WDR7: variants seen among roughly 807,000 people sequenced by gnomAD.
The protein encoded by WDR7 is WD repeat domain 7.
Under a neutral mutation model 169.4 loss-of-function variants are expected in WDR7, and 46 were observed. The ratio of observed to expected loss-of-function variants is 0.27; its 90% CI spans 0.21 to 0.35. The LOEUF (loss-of-function observed/expected upper bound fraction) is 0.35, where lower values mean the gene tolerates loss of function less well. Ranked by LOEUF, WDR7 falls within the 10% of genes least tolerant of loss-of-function variation. The pLI is 1.00. For missense variants in WDR7, 1,534 were observed against 1,859.3 expected, an observed-to-expected ratio of 0.83 and a Z score of 3.22; for synonymous variants, 612 against 666.8, an observed-to-expected ratio of 0.92 and a Z score of 1.27.
At chr18:56,979,783 T>C (rs570140143) in intron 26 of WDR7, among the ~76,000 whole-genome samples, 2 of 152,348 alleles carry the variant, frequency 1.3e-5, no homozygotes, top group Non-Finnish European at 1.5e-5. Context: ...TTATTACTAA[T>C]GCCTCCTCTA....
At chr18:56,745,583 G>T (rs1183444084) in intron 14 of WDR7, among the ~76,000 whole-genome samples, 1 of 152,172 alleles carries the variant, frequency 6.6e-6, no homozygotes, top group East Asian at 1.9e-4. Flanking sequence ...TGATATGACA[G>T]GAGGTGGAGC....
At chr18:56,809,322 C>T (rs1468152542) in intron 19 of WDR7, among the ~76,000 whole-genome samples, 2 of 151,784 alleles carry the variant, frequency 1.3e-5, no homozygotes, top group South Asian at 2.1e-4. Flanking sequence ...CTGTTATTTT[C>T]TAGTATATTT....
At chr18:56,780,361 G>A (rs890729065) in intron 18 of WDR7, among the ~76,000 whole-genome samples, 1 of 152,082 alleles carries the variant, frequency 6.6e-6, no homozygotes. Flanking sequence ...TAATATAATT[G>A]CTTCTTTCCT....
In WDR7 at chr18:56,997,613, T is replaced by C. The variant is rs186396736; in HGVS notation, c.4165-23132T>C. 1.4e-3 allele frequency among the ~76,000 whole-genome samples: 211 copies of C among 152,278 alleles called. 1 individual carries two copies. Among genetic ancestry groups the C allele is most frequent in the African/African-American group, 4.8e-3 (198 of 41,552 alleles). ...AGGGCTTCTTAAAAACAAACAGATA[T>C]AACCTACAGCTTTTTTTAAAGCCTT... On this transcript the variant is annotated intron_variant, in intron 26 of 27. Transcript: ENST00000254442.
At chr18:56,794,531 G>A (rs771858450) in intron 19 of WDR7, among the ~76,000 whole-genome samples, 5 of 151,584 alleles carry the variant, frequency 3.3e-5, no homozygotes, top group Admixed American at 1.3e-4. Context: ...GGATGGTCTC[G>A]ATCTCCTGAC....
chr18:56,696,161 A>G, intron 11 of WDR7, 81 bp from the exon 12 acceptor site: 1 of 1,178,828 alleles, frequency 8.5e-7, no homozygotes, highest in Non-Finnish European at 1.2e-6. Flanking sequence ...TAGCTATTCT[A>G]AACATTCATG....
chr18:56,682,908 A>G (rs918509413), intron 5 of WDR7, 55 bp downstream of exon 5: 1 of 1,520,516 alleles, frequency 6.6e-7, no homozygotes. Flanking sequence ...TGTTTAGTTT[A>G]CTAGAACATT....
chr18:56,994,462 T>C (rs897418938), intron 26 of WDR7, among the ~76,000 whole-genome samples: 1 of 152,246 alleles, frequency 6.6e-6, no homozygotes, highest in African/African-American at 2.4e-5. Context: ...TCAATGATTC[T>C]GTTAAATTTT....
intron 20 of WDR7, among the ~76,000 whole-genome samples, chr18:56,877,475 CAG>C (rs2046039893): frequency 6.6e-6 from 1 of 152,140 alleles, no homozygotes; most frequent in Non-Finnish European, 1.5e-5. Flanking sequence ...AGGGGGACCT[CAG>C]GGACTGAGAG....
At chr18:56,824,665 G>A (rs1005845210) in intron 20 of WDR7, among the ~76,000 whole-genome samples, 3 of 152,166 alleles carry the variant, frequency 2.0e-5, no homozygotes, top group Non-Finnish European at 1.5e-5. Context: ...ACATTAGTGA[G>A]GTGATGTAGG....
chr18:56,779,174 A>G (rs1246093789), intron 17 of WDR7, among the ~76,000 whole-genome samples: 3 of 152,090 alleles, frequency 2.0e-5, no homozygotes, highest in Non-Finnish European at 1.5e-5. Context: ...GTGAATTTGG[A>G]TATACTTCCA....
chr18:56,752,006 T>C (rs1192889678), intron 14 of WDR7, among the ~76,000 whole-genome samples: 1 of 152,224 alleles, frequency 6.6e-6, no homozygotes, highest in Non-Finnish European at 1.5e-5. Context: ...TGCTGGTAGA[T>C]AAATGTTTAT....
intron 14 of WDR7, among the ~76,000 whole-genome samples, chr18:56,742,122 C>A (rs1232492370): frequency 2.0e-5 from 3 of 152,058 alleles, no homozygotes; most frequent in Admixed American, 2.0e-4. Flanking sequence ...TTTTTCCTTG[C>A]AAATACATTA....
chr18:56,803,579 A>G (rs1339936037), intron 19 of WDR7, among the ~76,000 whole-genome samples: 2 of 152,196 alleles, frequency 1.3e-5, no homozygotes, highest in South Asian at 2.1e-4. Flanking sequence ...AAAAGTTTTT[A>G]AAAAGGCATA....
intron 13 of WDR7, among the ~76,000 whole-genome samples, chr18:56,728,125 T>C (rs1303365729): frequency 6.6e-6 from 1 of 152,238 alleles, no homozygotes; most frequent in South Asian, 2.1e-4. Context: ...CTGACATTTT[T>C]CTCATTACAT....
At chr18:56,679,311 A>G (rs2025309312) in intron 2 of WDR7, 21 bp from the exon 3 acceptor site, 12 of 1,588,200 alleles carry the variant, frequency 7.6e-6, no homozygotes, top group Non-Finnish European at 1.0e-5. Flanking sequence ...TACTTAAACT[A>G]GCATATTTTT....
intron 21 of WDR7, among the ~76,000 whole-genome samples, chr18:56,905,274 G>T (rs2046460369): frequency 6.6e-6 from 1 of 152,036 alleles, no homozygotes; most frequent in Non-Finnish European, 1.5e-5. Context: ...TCAGCCTCCC[G>T]AGTAGCTGGG....
chr18:56,853,368 A>C (rs2045669823), intron 20 of WDR7, among the ~76,000 whole-genome samples: 2 of 152,186 alleles, frequency 1.3e-5, no homozygotes, highest in Admixed American at 1.3e-4. Flanking sequence ...TTAATGGTTT[A>C]AAAGACTGTG....
intron 26 of WDR7, among the ~76,000 whole-genome samples, chr18:57,000,873 T>G (rs2047966779): frequency 6.6e-6 from 1 of 152,160 alleles, no homozygotes; most frequent in Non-Finnish European, 1.5e-5. Context: ...CTCTAAATTC[T>G]TTAGCTTTTC....
Sources: allele counts gnomAD v4.1 joint callset (sites outside exome capture counted in the v4.1 genomes callset), GRCh38; gene constraint gnomAD v4.1.1; transcripts MANE v1.5; gene names NCBI Gene and HGNC (gene_info 2026-07-23, HGNC 2026-07-21).